Variants in SCN8A observed in about 807,000 individuals in gnomAD.
SCN8A encodes sodium voltage-gated channel alpha subunit 8, also known as sodium channel protein type 8 subunit alpha.
In SCN8A, 30 loss-of-function variants were observed where a neutral mutation model predicts 184.1. The ratio of observed to expected loss-of-function variants is 0.16; its 90% confidence interval spans 0.12 to 0.22. The LOEUF (loss-of-function observed/expected upper bound fraction) is 0.22. Among genes scored for constraint, SCN8A ranks in the 10% least tolerant of loss-of-function variants. SCN8A has a pLI of 1.00. For missense variants in SCN8A, 1,057 were observed against 2,498.9 expected (o/e 0.42, Z 12.30); for synonymous variants, 852 against 907.0 (o/e 0.94, Z 1.09).
At chr12:51,640,030 G>A (rs1020973040) in intron 1 of SCN8A, among the ~76,000 whole-genome samples, 1 of 146,050 alleles carries the variant, frequency 6.8e-6, no homozygotes, top group Non-Finnish European at 1.5e-5. Flanking sequence ...ACCTCAGCTG[G>A]GTAGCTGGGA....
chr12:51,775,987 A>G (rs972646114), intron 20 of SCN8A, among the ~76,000 whole-genome samples: 1 of 152,172 alleles, frequency 6.6e-6, no homozygotes. Context: ...AGTCCTACAC[A>G]TTAGCATTTA....
At chr12:51,780,586 T>TGTTACC in intron 20 of SCN8A, 63 bp from the exon 21 acceptor site, 1 of 321,854 alleles carries the variant, frequency 3.1e-6, no homozygotes, top group Non-Finnish European at 5.2e-6. Context: ...TTTTTTTTTT[T>TGTTACC]TTTTTTTTTT....
chr12:51,796,264 G>A (rs906467363), intron 26 of SCN8A, among the ~76,000 whole-genome samples: 3 of 152,116 alleles, frequency 2.0e-5, no homozygotes, highest in Admixed American at 1.3e-4. Context: ...AAGACATGTG[G>A]CTGGTAAGTG....
rs199751851 is a variant in SCN8A at position 51,762,492 on chromosome 12, C to T, written c.2371-11C>T. The T allele has an allele frequency of 6.2e-7, 1 of 1,611,990 alleles. No homozygotes were observed. The highest frequency in any genetic ancestry group is 8.5e-7 in the Non-Finnish European group (1 of 1,178,936). On this transcript the variant is annotated splice_polypyrimidine_tract_variant and intron_variant, in intron 14 of 26. Transcript: ENST00000627620. ...ATTTATTTTTCTTACCCCCTGCATC[C>T]CCCTATTTAGGTTTTCACTGGAATT...
At chr12:51,688,609 A>G (rs548846838) in intron 5 of SCN8A, 7 of 625,110 alleles carry the variant, frequency 1.1e-5, no homozygotes, top group African/African-American at 5.5e-5. Context: ...TTAAAAACAA[A>G]TGTTCCTTAA....
intron 11 of SCN8A, among the ~76,000 whole-genome samples, chr12:51,714,588 C>T (rs1214073600): frequency 2.0e-5 from 3 of 152,222 alleles, no homozygotes; most frequent in Middle Eastern, 6.8e-3. Context: ...TCTCAGGGAC[C>T]TCCGGGGGTC....
At chr12:51,782,640 G>A (rs1937957685) in intron 21 of SCN8A, among the ~76,000 whole-genome samples, 2 of 152,116 alleles carry the variant, frequency 1.3e-5, no homozygotes, top group South Asian at 2.1e-4. Context: ...CCCATCTGAC[G>A]CTTGTTACTA....
chr12:51,717,996 A>G (rs1941993099), intron 11 of SCN8A, among the ~76,000 whole-genome samples: 1 of 152,246 alleles, frequency 6.6e-6, no homozygotes, highest in African/African-American at 2.4e-5. Flanking sequence ...TGAAAGATAC[A>G]GGTGAGAGCA....
chr12:51,759,437 T>G (rs991773821), intron 14 of SCN8A, among the ~76,000 whole-genome samples: 2 of 152,218 alleles, frequency 1.3e-5, no homozygotes, highest in Non-Finnish European at 2.9e-5. Context: ...GACAAAGGGA[T>G]GATTCACATC....
rs768214313 is a variant in SCN8A, at chr12:51,762,560, T to C, written c.2428T>C (p.Tyr810His). 1.2e-6 allele frequency: 2 copies of C among 1,613,654 alleles called. No individual in the cohort carries two copies. Among genetic ancestry groups the C allele is most frequent in the Non-Finnish European group, 1.7e-6 (2 of 1,179,732 alleles). ...MFLKLIAMDP[Y>H]YYFQEGWNIF... ...CCTGAAGCTCATAGCCATGGATCCC[T>C]ACTATTATTTCCAAGAAGGTTGGAA... Residue 810 changes from tyrosine (Y) to histidine (H), a missense_variant, in exon 15 of 27, where the codon TAC (tyrosine) becomes CAC (histidine). Transcript: ENST00000627620.
At chr12:51,805,412 C>G (rs1182515013) in intron 26 of SCN8A, among the ~76,000 whole-genome samples, 2 of 151,806 alleles carry the variant, frequency 1.3e-5, no homozygotes, top group African/African-American at 4.8e-5. Context: ...AGCAAGACCC[C>G]CATCTCTACA....
chr12:51,652,024 G>A (rs1940724789), intron 1 of SCN8A, among the ~76,000 whole-genome samples: 1 of 152,104 alleles, frequency 6.6e-6, no homozygotes, highest in Non-Finnish European at 1.5e-5. Flanking sequence ...TAGCAAGTAT[G>A]GATGAGAAAA....
chr12:51,720,276 A>T (rs1009473244), intron 11 of SCN8A, among the ~76,000 whole-genome samples: 1 of 150,364 alleles, frequency 6.7e-6, no homozygotes, highest in African/African-American at 2.5e-5. Flanking sequence ...CTATGCAGCC[A>T]TAAAAAGGAT....
At chr12:51,690,728 T>C (rs1216307873) in intron 6 of SCN8A, among the ~76,000 whole-genome samples, 1 of 152,184 alleles carries the variant, frequency 6.6e-6, no homozygotes, top group South Asian at 2.1e-4. Flanking sequence ...AGCACAAAGA[T>C]AGAATCCTGG....
At position 51,810,728 on chromosome 12, in the gene SCN8A, C is replaced by A. The variant is rs1017631927; in HGVS notation, c.*3299C>A. The stretch of plus-strand genomic sequence containing the variant: ...CTGGTTTGTGTGTGAAAAACATTTT[C>A]CCCCTCTTCTTTCCTTAACCTCCTT... On this transcript the variant is annotated 3_prime_UTR_variant, in exon 27 of 27. Transcript: ENST00000627620. The A allele has an allele frequency of 6.5e-6, 1 of 152,890 alleles. No individual in the cohort carries two copies. Among genetic ancestry groups the A allele is most frequent in the African/African-American group, 2.4e-5 (1 of 41,426 alleles). The allele number at this position is 152,890 out of a possible 1,614,324, so 9.5% of individuals were successfully genotyped here.
In SCN8A at chr12:51,721,921, A is replaced by G; in HGVS notation, c.1998+13A>G. 1 of 1,599,646 alleles carries G rather than the reference A, an allele frequency of 6.3e-7. No individual in the cohort carries two copies. Among genetic ancestry groups the G allele is most frequent in the Non-Finnish European group, 8.5e-7 (1 of 1,179,748 alleles). On this transcript the variant is annotated intron_variant, in intron 12 of 26. Transcript: ENST00000627620. ...TCTCCTGCCAGAGGTGAAAATTGAT[A>G]AGGCAGCTACCGATGACAGTGTAAG...
Position 51,806,161 on chromosome 12 carries a change from G to A in SCN8A, c.4796-121G>A, listed in dbSNP as rs1938697112. On this transcript the variant is annotated intron_variant, in intron 26 of 26. Transcript: ENST00000627620. This position sits in a 1 kb window ranked among gnomAD's most constrained non-coding sequence, Gnocchi z 8.7. ...ACTTTTTGAGAGTTCAGACTGAATA[G>A]TAAGGCACTTATTCTGCAAAGCCCT... 11 of 928,534 alleles carry A rather than the reference G, an allele frequency of 1.2e-5. No individual in the cohort carries two copies. The South Asian group carries it at 2.1e-4, about 18-fold the overall frequency. 57.5% of individuals were successfully genotyped at this position (928,534 alleles called of 1,614,324 possible).
intron 26 of SCN8A, among the ~76,000 whole-genome samples, chr12:51,797,468 G>C (rs1255533959): frequency 6.6e-6 from 1 of 152,192 alleles, no homozygotes; most frequent in Non-Finnish European, 1.5e-5. Flanking sequence ...GTCGTAGCTG[G>C]TATTGATGAC....
chr12:51,704,533 G>T (rs1047974586), intron 9 of SCN8A, among the ~76,000 whole-genome samples: 11 of 151,522 alleles, frequency 7.3e-5, no homozygotes, highest in African/African-American at 2.7e-4. Flanking sequence ...AGCTGGGCAT[G>T]GTGGCACATG....
Sources: gnomAD v4.1 joint callset for allele counts (sites outside exome capture counted in the v4.1 genomes callset) on GRCh38, gnomAD v4.1.1 for gene constraint, Gnocchi (gnomAD v3.1) non-coding constraint, MANE v1.5 for transcripts, NCBI Gene and HGNC (gene_info 2026-07-23, HGNC 2026-07-21) for gene names.